CRACD: variants seen among roughly 807,000 people sequenced by gnomAD.
The protein encoded by CRACD is capping protein-inhibiting regulator of actin dynamics.
In CRACD, 56 loss-of-function variants were observed where a neutral mutation model predicts 106.8. The ratio of observed to expected loss-of-function variants is 0.52; its 90% CI spans 0.42 to 0.66. The LOEUF (loss-of-function observed/expected upper bound fraction) is 0.66, where lower values mean the gene tolerates loss of function less well. CRACD is among the 30% of genes least tolerant of loss of function. CRACD has a pLI of 0.00. For synonymous variants in CRACD, 754 were observed against 670.8 expected (o/e 1.12, Z -1.92); for missense variants, 1,730 against 1,623.2 (o/e 1.07, Z -1.13).
At chr4:56,120,241 G>C (rs1734439187) in intron 1 of CRACD, among the ~76,000 whole-genome samples, 1 of 152,000 alleles carries the variant, frequency 6.6e-6, no homozygotes, top group South Asian at 2.1e-4. Context: ...ATATATCTCT[G>C]TGATGTCACT....
At chr4:56,249,993 G>A (rs1054519635) in intron 2 of CRACD, among the ~76,000 whole-genome samples, 15 of 152,152 alleles carry the variant, frequency 9.9e-5, no homozygotes, top group Non-Finnish European at 5.9e-5. Flanking sequence ...AATAAGTCCT[G>A]GGATTTGGGT....
intron 6 of CRACD, 63 bp downstream of exon 6, chr4:56,310,797 C>T: frequency 5.1e-6 from 5 of 974,378 alleles, no homozygotes; most frequent in East Asian, 2.6e-5. Flanking sequence ...CTTCCCCCCC[C>T]CTTTTTTTTT....
At chr4:56,218,050 A>T (rs1381046159) in intron 2 of CRACD, among the ~76,000 whole-genome samples, 1 of 151,730 alleles carries the variant, frequency 6.6e-6, no homozygotes, top group Non-Finnish European at 1.5e-5. Flanking sequence ...GTCTTTCTCT[A>T]GGTGTGTCTT....
chr4:56,273,312 C>T (rs1367469724), intron 3 of CRACD, among the ~76,000 whole-genome samples: 31 of 150,784 alleles, frequency 2.1e-4, no homozygotes, highest in African/African-American at 6.3e-4. Context: ...TTCCTTTCTT[C>T]CTTCCTTCCT....
intron 2 of CRACD, among the ~76,000 whole-genome samples, chr4:56,182,861 A>ATGTGTGTGTGTGTGTGTGTGTGTGTGTG (rs763638808): frequency 9.8e-6 from 1 of 101,890 alleles, no homozygotes; most frequent in African/African-American, 3.6e-5. Context: ...GAAAAAAAAG[A>ATGTGTGTGTGTGTGTGTGTGTGTGTGTG]TATGTGTGTG....
intron 3 of CRACD, among the ~76,000 whole-genome samples, chr4:56,281,833 G>GCTTA (rs1469466596): frequency 1.3e-5 from 2 of 152,196 alleles, no homozygotes; most frequent in Admixed American, 6.5e-5. Context: ...TTAGGACTGA[G>GCTTA]CTTACAGACC....
At chr4:56,146,055 G>C (rs534191583) in intron 1 of CRACD, among the ~76,000 whole-genome samples, 6 of 152,244 alleles carry the variant, frequency 3.9e-5, no homozygotes, top group African/African-American at 1.4e-4. Flanking sequence ...ATATTCCTCT[G>C]CATATACCGT....
At chr4:56,061,466 G>T (rs571999678) in intron 1 of CRACD, among the ~76,000 whole-genome samples, 1 of 152,040 alleles carries the variant, frequency 6.6e-6, no homozygotes, top group South Asian at 2.1e-4. Flanking sequence ...GCGCCACTAT[G>T]CCTGGCCCAA....
chr4:56,172,930 A>G (rs1031320799), intron 1 of CRACD, among the ~76,000 whole-genome samples: 2 of 151,912 alleles, frequency 1.3e-5, no homozygotes, highest in Non-Finnish European at 2.9e-5. Flanking sequence ...CTAATTTTGT[A>G]TTTTTAGTAG....
intron 1 of CRACD, among the ~76,000 whole-genome samples, chr4:56,131,634 C>G (rs1240424690): frequency 1.3e-5 from 2 of 152,072 alleles, no homozygotes; most frequent in Non-Finnish European, 2.9e-5. Context: ...TCCAAACCTT[C>G]CTTTGTGGTC....
At chr4:56,158,141 C>G (rs1472184959) in intron 1 of CRACD, among the ~76,000 whole-genome samples, 2 of 152,178 alleles carry the variant, frequency 1.3e-5, no homozygotes, top group Admixed American at 6.5e-5. Context: ...ACTGAGGCCT[C>G]CAGATTTGGT....
chr4:56,236,482 A>G (rs1739975130), intron 2 of CRACD, among the ~76,000 whole-genome samples: 1 of 152,210 alleles, frequency 6.6e-6, no homozygotes, highest in Non-Finnish European at 1.5e-5. Context: ...GACAATATTC[A>G]AAATTCAGCA....
At chr4:56,207,197 A>C (rs953081811) in intron 2 of CRACD, among the ~76,000 whole-genome samples, 1 of 152,250 alleles carries the variant, frequency 6.6e-6, no homozygotes, top group Non-Finnish European at 1.5e-5. Flanking sequence ...ATGTGCAACT[A>C]TAAGTATCAG....
chr4:56,254,914 G>A (rs970770186), intron 2 of CRACD, among the ~76,000 whole-genome samples: 4 of 151,522 alleles, frequency 2.6e-5, no homozygotes, highest in Non-Finnish European at 5.9e-5. Flanking sequence ...GACCAGCCTG[G>A]CCAACATGGT....
intron 2 of CRACD, among the ~76,000 whole-genome samples, chr4:56,195,772 A>G (rs1329829782): frequency 9.9e-5 from 15 of 152,188 alleles, no homozygotes; most frequent in Admixed American, 9.8e-4. Context: ...ACAATAGAAA[A>G]CATTATCATT....
Position 56,324,194 on chromosome 4 carries a change from G to A in CRACD, c.3469G>A (p.Glu1157Lys), listed in dbSNP as rs1746286235. The change falls in exon 10 of 11, where the codon GAG becomes AAG. Residue 1157 changes from glutamate (E) to lysine (K), a missense_variant. By Grantham distance (56) the Glu-to-Lys change is moderately conservative. Transcript: ENST00000682029. ...TGCTCTGCCAGAAGAGAAGAGGCCC[G>A]AGACTGCAGTGTCCAGGCTTGAGCG... ...STALPEEKRP[E>K]TAVSRLERRE... 14 of 1,614,084 alleles carry A rather than the reference G, an allele frequency of 8.7e-6. No homozygotes were observed. The highest frequency in any genetic ancestry group is 1.6e-4 in the Middle Eastern group (1 of 6,084).
At chr4:56,256,850 C>A (rs183581916) in intron 2 of CRACD, among the ~76,000 whole-genome samples, 4 of 152,236 alleles carry the variant, frequency 2.6e-5, no homozygotes, top group African/African-American at 7.2e-5. Flanking sequence ...CCAAAGTAAA[C>A]CTGAAAAACT....
chr4:56,123,422 TTATC>T (rs897114514), intron 1 of CRACD, among the ~76,000 whole-genome samples: 12 of 152,182 alleles, frequency 7.9e-5, no homozygotes, highest in African/African-American at 2.4e-4. Flanking sequence ...AGGGAGAGAA[TTATC>T]TATCTTCCAC....
At position 56,314,456 on chromosome 4, in the gene CRACD, G is replaced by A; in HGVS notation, c.954G>A (p.Glu318=). The change falls in exon 8 of 11, where the codon GAG becomes GAA. Residue 318 remains glutamate (E), a synonymous_variant. Coordinates refer to ENST00000682029, the MANE Select transcript of CRACD (RefSeq NM_001393381.1). The surrounding 1 kb of genome is among the most constrained non-coding windows in gnomAD (Gnocchi z 4.4). The part of the protein sequence containing the change: ...REERERLEAE[E]ERRRLQAQAQ... ...AGCGCGAGCGCCTGGAGGCGGAGGA[G>A]GAGCGAAGGCGTCTGCAGGCCCAGG... The A allele has an allele frequency of 6.5e-7, 1 of 1,538,706 alleles. No individual in the cohort carries two copies. Among genetic ancestry groups the A allele is most frequent in the Non-Finnish European group, 8.8e-7 (1 of 1,141,888 alleles).
Sources: allele counts gnomAD v4.1 joint callset (sites outside exome capture counted in the v4.1 genomes callset), GRCh38; gene constraint gnomAD v4.1.1; non-coding constraint Gnocchi (gnomAD v3.1); transcripts MANE v1.5; gene names NCBI Gene and HGNC (gene_info 2026-07-23, HGNC 2026-07-21).